STK32B: variants seen among roughly 807,000 people sequenced by gnomAD.
STK32B encodes serine/threonine kinase 32B, also known as serine/threonine-protein kinase 32B.
STK32B carries 43 observed loss-of-function variants against 52.6 expected under a neutral mutation model. The observed-to-expected ratio is 0.82, with a 90% CI of 0.64 to 1.05. The LOEUF is 1.05. Ranked by LOEUF, STK32B falls within the 50% of genes least tolerant of loss-of-function variation. The pLI, the probability that STK32B is intolerant of heterozygous loss-of-function variation, is 0.00. For synonymous variants in STK32B, 238 were observed against 204.3 expected (o/e 1.17, Z -1.41); for missense variants, 621 against 534.6 (o/e 1.16, Z -1.59).
intron 3 of STK32B, among the ~76,000 whole-genome samples, chr4:5,272,216 G>A (rs1190274621): frequency 6.9e-6 from 1 of 144,272 alleles, no homozygotes. Context: ...TAGCATGAAG[G>A]GTTGTTGAAT....
At chr4:5,304,771 G>A (rs1729806035) in intron 3 of STK32B, among the ~76,000 whole-genome samples, 2 of 151,802 alleles carry the variant, frequency 1.3e-5, no homozygotes, top group Admixed American at 1.3e-4. Context: ...AGTTATCGGG[G>A]AGGGGGGGTG....
chr4:5,198,387 G>T (rs1721866365), intron 3 of STK32B, among the ~76,000 whole-genome samples: 2 of 152,324 alleles, frequency 1.3e-5, no homozygotes, highest in South Asian at 4.2e-4. Flanking sequence ...TGGTGGGAAG[G>T]TGGTAGCTTA....
chr4:5,359,509 G>T (rs1734409156), intron 4 of STK32B, among the ~76,000 whole-genome samples: 1 of 152,052 alleles, frequency 6.6e-6, no homozygotes, highest in African/African-American at 2.4e-5. Flanking sequence ...TGCCATCTTA[G>T]TGCATATGTT....
At chr4:5,363,202 C>T (rs1048462636) in intron 4 of STK32B, among the ~76,000 whole-genome samples, 1 of 152,222 alleles carries the variant, frequency 6.6e-6, no homozygotes, top group Admixed American at 6.5e-5. Context: ...TGAAAGTATA[C>T]AAATTTTATA....
At chr4:5,477,685 G>A (rs1718348881) in intron 11 of STK32B, among the ~76,000 whole-genome samples, 1 of 152,190 alleles carries the variant, frequency 6.6e-6, no homozygotes, top group African/African-American at 2.4e-5. Context: ...ATGACAGAGG[G>A]AAGAGCCCTC....
At chr4:5,268,581 G>GTA (rs1727209697) in intron 3 of STK32B, among the ~76,000 whole-genome samples, 1 of 133,694 alleles carries the variant, frequency 7.5e-6, no homozygotes, top group Non-Finnish European at 1.6e-5. Context: ...GTGTGTGTGT[G>GTA]TGTATAGCAA....
intron 1 of STK32B, among the ~76,000 whole-genome samples, chr4:5,128,887 G>T (rs1283246520): frequency 6.6e-6 from 1 of 152,212 alleles, no homozygotes; most frequent in African/African-American, 2.4e-5. Context: ...GTATTGACCT[G>T]TGAACAGGGT....
intron 6 of STK32B, among the ~76,000 whole-genome samples, chr4:5,418,605 G>T (rs1712356032): frequency 6.6e-6 from 1 of 152,150 alleles, no homozygotes; most frequent in Non-Finnish European, 1.5e-5. Context: ...GCATTTATAG[G>T]CGGTACCTAA....
At chr4:5,019,438 G>C in the STK32B span, 1 of 1,470,232 alleles carries the variant, frequency 6.8e-7, no homozygotes, top group Non-Finnish European at 8.9e-7. Context: ...AGGCCCAGGC[G>C]TCCTCATGGT....
chr4:5,176,154 G>T, intron 3 of STK32B, among the ~76,000 whole-genome samples: 1 of 152,336 alleles, frequency 6.6e-6, no homozygotes, highest in East Asian at 1.9e-4. Context: ...TTGGAAAAGC[G>T]TAGTATTAGG....
chr4:5,475,431 A>AC lies in STK32B; in HGVS notation c.1106+7361_1106+7362insC, dbSNP rs1422855764. Reference sequence around the variant, plus strand: ...CAGTGCAAGACTCCATCTCAAAAAAAAAAAAAAAAAAAGCGTGACTGGCTT... The same window carrying AC: ...CAGTGCAAGACTCCATCTCAAAAAAACAAAAAAAAAAAAGCGTGACTGGCTT... On this transcript the variant is annotated intron_variant, in intron 11 of 11. Transcript: ENST00000282908. Among the ~76,000 whole-genome samples, 137 of 148,994 alleles carry AC rather than the reference A, an allele frequency of 9.2e-4. 1 individual carries two copies. Among genetic ancestry groups the AC allele is most frequent in the African/African-American group, 3.3e-3 (133 of 40,346 alleles).
chr4:5,364,700 G>GA (rs1006217187), intron 4 of STK32B, among the ~76,000 whole-genome samples: 1 of 152,054 alleles, frequency 6.6e-6, no homozygotes, highest in African/African-American at 2.4e-5. Context: ...TAGGGAGAGG[G>GA]ATCCCCAAAG....
At chr4:5,210,163 G>A (rs953068840) in intron 3 of STK32B, among the ~76,000 whole-genome samples, 2 of 152,148 alleles carry the variant, frequency 1.3e-5, no homozygotes, top group African/African-American at 4.8e-5. Flanking sequence ...AAGGCATAAT[G>A]TTGAAGACTG....
In STK32B at chr4:5,499,221, A is replaced by C; in HGVS notation, c.*138A>C. On this transcript the variant is annotated 3_prime_UTR_variant, in exon 12 of 12. Coordinates refer to ENST00000282908, the MANE Select transcript of STK32B (RefSeq NM_018401.3). ...AAAAAGCCCTGGACTTGGAGCTGGGAAGCCTGGGTTCTGGTCCCATCTCCA... is the reference window on the plus strand; with the variant it reads ...AAAAAGCCCTGGACTTGGAGCTGGGCAGCCTGGGTTCTGGTCCCATCTCCA... 1 of 1,279,216 alleles carries C rather than the reference A, an allele frequency of 7.8e-7. No homozygotes were observed. The highest frequency in any genetic ancestry group is 1.5e-5 in the African/African-American group (1 of 65,540). 79.2% of individuals were successfully genotyped at this position (1,279,216 alleles called of 1,614,324 possible).
At chr4:5,124,748 G>T (rs936335120) in intron 1 of STK32B, among the ~76,000 whole-genome samples, 1 of 152,218 alleles carries the variant, frequency 6.6e-6, no homozygotes, top group African/African-American at 2.4e-5. Flanking sequence ...GTGTGAGCAT[G>T]CATATAGATG....
At chr4:5,363,385 A>G (rs1734674482) in intron 4 of STK32B, among the ~76,000 whole-genome samples, 1 of 152,220 alleles carries the variant, frequency 6.6e-6, no homozygotes, top group African/African-American at 2.4e-5. Flanking sequence ...CCAAGGCCAC[A>G]GGGTGATCCA....
intron 9 of STK32B, among the ~76,000 whole-genome samples, chr4:5,465,942 T>C (rs547876683): frequency 1.4e-4 from 22 of 152,222 alleles, no homozygotes; most frequent in Admixed American, 3.3e-4. Context: ...TTACCCAAAC[T>C]TTACAGCTAA....
intron 1 of STK32B, among the ~76,000 whole-genome samples, chr4:5,112,005 A>G: frequency 6.6e-6 from 1 of 152,220 alleles, no homozygotes; most frequent in Non-Finnish European, 1.5e-5. Context: ...TCTTAAAATC[A>G]TCCTACCCTT....
chr4:5,167,953 G>T (rs1719014549), intron 2 of STK32B, among the ~76,000 whole-genome samples: 1 of 152,192 alleles, frequency 6.6e-6, no homozygotes, highest in Non-Finnish European at 1.5e-5. Flanking sequence ...ACATCTCAGG[G>T]TTATAGTCAC....
Sources: gnomAD v4.1 joint callset for allele counts (sites outside exome capture counted in the v4.1 genomes callset) on GRCh38, gnomAD v4.1.1 for gene constraint, MANE v1.5 for transcripts, NCBI Gene and HGNC (gene_info 2026-07-23, HGNC 2026-07-21) for gene names.